The following GPC3 variants were observed in gnomAD, a reference collection of about 807,000 sequenced individuals.
GPC3 encodes the protein glypican-3.
GPC3 carries 3 observed loss-of-function variants against 34.4 expected under a neutral mutation model. The ratio of observed to expected loss-of-function variants is 0.09; its 90% CI spans 0.04 to 0.23. The LOEUF (loss-of-function observed/expected upper bound fraction) is 0.23, where lower values mean the gene tolerates loss of function less well. GPC3 is among the 10% of genes least tolerant of loss of function. The probability of loss-of-function intolerance (pLI) is 1.00; values close to 1 mark genes in which losing one functional copy is unlikely to be tolerated. For missense variants in GPC3, 351 were observed against 445.6 expected (o/e 0.79, Z 1.91); for synonymous variants, 177 against 174.0 (o/e 1.02, Z -0.13).
chrX:133,974,272 ACTCTTGGG>A (rs2076505869), intron 1 of GPC3, among the ~76,000 whole-genome samples: 1 of 110,730 alleles, frequency 9.0e-6, no homozygotes, highest in African/African-American at 3.3e-5. Flanking sequence ...CTGGTCTTGA[ACTCTTGGG>A]CTCAATCAGT....
chrX:133,640,174 T>A (rs1291894340), intron 6 of GPC3, among the ~76,000 whole-genome samples: 1 of 112,123 alleles, frequency 8.9e-6, no homozygotes, highest in Non-Finnish European at 1.9e-5. Context: ...GGTGTTGATA[T>A]GTGGTGGTTT....
At chrX:133,545,665 CTG>C in intron 7 of GPC3, among the ~76,000 whole-genome samples, 1 of 111,705 alleles carries the variant, frequency 9.0e-6, no homozygotes. Flanking sequence ...CCTCACCAGT[CTG>C]TACAACCAAG....
intron 2 of GPC3, 28 bp downstream of exon 2, chrX:133,953,022 C>G (rs1047178113): frequency 2.6e-6 from 3 of 1,174,128 alleles, no homozygotes; most frequent in Non-Finnish European, 3.5e-6. Context: ...CACTAAGCAG[C>G]ACATCTAAAA....
chrX:133,599,070 A>G (rs2069952435), intron 6 of GPC3, among the ~76,000 whole-genome samples: 1 of 112,082 alleles, frequency 8.9e-6, no homozygotes, highest in Admixed American at 9.5e-5. Flanking sequence ...TTCCTTTCCA[A>G]GAAAATGTCT....
chrX:133,841,233 T>TTTTTTTTTTTTTTTC (rs2075823096), intron 2 of GPC3, among the ~76,000 whole-genome samples: 1 of 85,525 alleles, frequency 1.2e-5, no homozygotes, highest in Non-Finnish European at 2.3e-5. Context: ...TTTTTTTTTT[T>TTTTTTTTTTTTTTTC]TTTTTGGTAG....
chrX:133,803,635 C>T (rs373843880), intron 2 of GPC3, among the ~76,000 whole-genome samples: 2 of 111,762 alleles, frequency 1.8e-5, no homozygotes, highest in African/African-American at 6.5e-5. Flanking sequence ...TCAGGAAGAC[C>T]GGAGTGATCT....
Position 133,697,195 on chromosome X carries a change from T to C in GPC3, c.1166+2700A>G, listed in dbSNP as rs141020276. 3.7e-4 allele frequency among the ~76,000 whole-genome samples: 42 copies of C among 112,768 alleles called. No individual in the cohort carries two copies. In the East Asian group the frequency reaches 0.011, roughly 29 times the overall value. ...AGACCTGGAACTTTTTCCTTTATTA[T>C]TAAGGTTCGTTTTTTTCTCTTCATG... On this transcript the variant is annotated intron_variant, in intron 4 of 7. Transcript: ENST00000370818.
chrX:133,950,251 A>G (rs891981648), intron 2 of GPC3, among the ~76,000 whole-genome samples: 1 of 112,133 alleles, frequency 8.9e-6, no homozygotes, highest in Non-Finnish European at 1.9e-5. Context: ...TAAATGCTTC[A>G]ATCATTATCA....
chrX:133,606,261 AT>A (rs2124342251), intron 6 of GPC3, among the ~76,000 whole-genome samples: 1 of 111,642 alleles, frequency 9.0e-6, no homozygotes, highest in South Asian at 3.8e-4. Context: ...AAAGTGGAAA[AT>A]TTCCAATAAT....
At chrX:133,915,580 G>C (rs143947429) in intron 2 of GPC3, among the ~76,000 whole-genome samples, 8 of 112,482 alleles carry the variant, frequency 7.1e-5, no homozygotes, top group African/African-American at 2.6e-4. Flanking sequence ...CATACATTAT[G>C]TTTGGTCATC....
At chrX:133,649,241 C>A (rs2070572775) in intron 6 of GPC3, among the ~76,000 whole-genome samples, 1 of 108,550 alleles carries the variant, frequency 9.2e-6, no homozygotes, top group African/African-American at 3.4e-5. Flanking sequence ...ATAAATAACT[C>A]CTAATAAATG....
At chrX:133,718,603 T>G (rs1702446679) in intron 3 of GPC3, among the ~76,000 whole-genome samples, 1 of 111,240 alleles carries the variant, frequency 9.0e-6, no homozygotes, top group Admixed American at 9.6e-5. Flanking sequence ...TTATTACTCG[T>G]TTTATTACAT....
chrX:133,597,899 C>T (rs2069936607), intron 6 of GPC3, among the ~76,000 whole-genome samples: 1 of 111,021 alleles, frequency 9.0e-6, no homozygotes, highest in African/African-American at 3.3e-5. Flanking sequence ...TCCGCTGCTG[C>T]TCATCATACA....
intron 3 of GPC3, among the ~76,000 whole-genome samples, chrX:133,751,126 A>T (rs1041884703): frequency 1.1e-5 from 1 of 94,145 alleles, no homozygotes; most frequent in Non-Finnish European, 2.3e-5. Context: ...AATAAATAAA[A>T]GCACCACAGG....
chrX:133,905,144 A>G (rs906075937), intron 2 of GPC3, among the ~76,000 whole-genome samples: 1 of 112,443 alleles, frequency 8.9e-6, no homozygotes, highest in Non-Finnish European at 1.9e-5. Context: ...TTGGAAAACC[A>G]TATAATCAAG....
At chrX:133,983,021 G>A (rs974361918) in intron 1 of GPC3, among the ~76,000 whole-genome samples, 1 of 111,811 alleles carries the variant, frequency 8.9e-6, no homozygotes, top group Non-Finnish European at 1.9e-5. Flanking sequence ...TATCTACAGT[G>A]ACCATATTTG....
At chrX:133,802,832 T>C (rs1186881702) in intron 2 of GPC3, among the ~76,000 whole-genome samples, 2 of 110,671 alleles carry the variant, frequency 1.8e-5, no homozygotes, top group Non-Finnish European at 3.8e-5. Flanking sequence ...AAAATATCTG[T>C]CTACATCAGC....
chrX:133,978,905 A>ATT (rs1181168286), intron 1 of GPC3, among the ~76,000 whole-genome samples: 1 of 112,195 alleles, frequency 8.9e-6, no homozygotes, highest in Non-Finnish European at 1.9e-5. Context: ...TTTTCCAGTA[A>ATT]TAAACTTAGT....
intron 2 of GPC3, among the ~76,000 whole-genome samples, chrX:133,861,752 C>T (rs1479697906): frequency 9.0e-6 from 1 of 110,657 alleles, no homozygotes; most frequent in Non-Finnish European, 1.9e-5. Context: ...GTGGCACCTC[C>T]TCTCCCTCTC....
Sources: allele counts gnomAD v4.1 joint callset (sites outside exome capture counted in the v4.1 genomes callset), GRCh38; gene constraint gnomAD v4.1.1; transcripts MANE v1.5; gene names NCBI Gene and HGNC (gene_info 2026-07-23, HGNC 2026-07-21).